The following KY variants were observed in gnomAD, a reference collection of about 807,000 sequenced individuals.
KY encodes the protein kyphoscoliosis peptidase.
In KY, 43 loss-of-function variants were observed where a neutral mutation model predicts 76.1. The ratio of observed to expected loss-of-function variants is 0.57; its 90% CI spans 0.44 to 0.73. KY has a LOEUF of 0.73. KY is among the 30% of genes least tolerant of loss of function. KY has a pLI of 0.00. For synonymous variants in KY, 277 were observed against 326.2 expected (o/e 0.85, Z 1.63); for missense variants, 722 against 828.9 (o/e 0.87, Z 1.58).
At chr3:134,625,208 C>T in intron 5 of KY, 73 bp from the exon 6 acceptor site, 1 of 1,172,228 alleles carries the variant, frequency 8.5e-7, no homozygotes. Context: ...GCCTTGCTGT[C>T]TCTTTGAGGA....
chr3:134,635,154 G>A (rs1007974954), intron 3 of KY, among the ~76,000 whole-genome samples: 12 of 152,130 alleles, frequency 7.9e-5, no homozygotes, highest in Admixed American at 5.9e-4. Flanking sequence ...CAACTTAAAC[G>A]TCCTTCAATG....
At chr3:134,649,091 C>A (rs1174851008) in intron 1 of KY, among the ~76,000 whole-genome samples, 1 of 152,224 alleles carries the variant, frequency 6.6e-6, no homozygotes, top group Non-Finnish European at 1.5e-5. Context: ...AAGCCATGCA[C>A]TTTTCCTCTT....
At chr3:134,611,626 A>G (rs1043840544) in intron 8 of KY, among the ~76,000 whole-genome samples, 5 of 152,222 alleles carry the variant, frequency 3.3e-5, no homozygotes, top group Non-Finnish European at 7.3e-5. Context: ...TGCCCCTTTG[A>G]TGGGGCTCCT....
intron 8 of KY, among the ~76,000 whole-genome samples, chr3:134,613,940 G>T (rs1219295103): frequency 2.0e-5 from 3 of 152,156 alleles, no homozygotes; most frequent in Non-Finnish European, 4.4e-5. Flanking sequence ...TGTGTATAAA[G>T]CACTGTAGCA....
chr3:134,614,737 T>A (rs1045837720), intron 8 of KY, among the ~76,000 whole-genome samples: 38 of 152,342 alleles, frequency 2.5e-4, no homozygotes, highest in African/African-American at 8.9e-4. Flanking sequence ...TATTATTTTA[T>A]ACTGAGATGG....
chr3:134,635,493 T>TA lies in KY; in HGVS notation c.263-5799dup, dbSNP rs10647203. ...GCCTGGACAACAGAGCGAGACTCTGTAAAAAAAAAAAAAAAAAAAAAGTAC... is the reference window on the plus strand; with the variant it reads ...GCCTGGACAACAGAGCGAGACTCTGTAAAAAAAAAAAAAAAAAAAAAAGTAC... On this transcript the variant is annotated intron_variant, in intron 3 of 10. Transcript: ENST00000423778. 7.2e-3 allele frequency among the ~76,000 whole-genome samples: 575 copies of TA among 79,330 alleles called. 15 individuals are homozygous for TA. The highest frequency in any genetic ancestry group is 0.021 in the African/African-American group (425 of 20,490). The allele number at this position is 79,330 out of a possible 152,430, so 52.0% of individuals were successfully genotyped here.
At chr3:134,645,644 T>A (rs1417254305) in intron 2 of KY, among the ~76,000 whole-genome samples, 5 of 152,200 alleles carry the variant, frequency 3.3e-5, no homozygotes, top group African/African-American at 7.2e-5. Flanking sequence ...TTACACATGT[T>A]GATGGAGTGG....
Position 134,629,659 on chromosome 3 carries a change from G to T in KY, c.299C>A (p.Ala100Asp). 1 of 1,600,346 alleles carries T rather than the reference G, an allele frequency of 6.2e-7. No individual in the cohort carries two copies. The highest frequency in any genetic ancestry group is 1.1e-5 in the South Asian group (1 of 88,198). Residue 100 changes from alanine (A) to aspartate (D), a missense_variant, in exon 4 of 11, where the codon GCC becomes GAC. Physicochemically the swap from Ala to Asp is moderately radical, Grantham distance 126 (BLOSUM62 -2). This residue lies in a region of KY where 170 missense variants were observed against 148.1 expected (regional missense o/e 1.15). Transcript: ENST00000423778. The part of the protein sequence containing the change: ...QLTVEVHPRD[A>D]MPQLLKKFSL... Reference sequence around the variant, plus strand: ...GAACTTCTTGAGCAGCTGGGGCATGGCATCTCGAGGGTGGACTTCCACAGT... The same window carrying T: ...GAACTTCTTGAGCAGCTGGGGCATGTCATCTCGAGGGTGGACTTCCACAGT...
At chr3:134,616,664 T>C (rs1446364973) in intron 8 of KY, among the ~76,000 whole-genome samples, 1 of 152,202 alleles carries the variant, frequency 6.6e-6, no homozygotes, top group African/African-American at 2.4e-5. Context: ...AGAGTTTTAA[T>C]GATAAGCTGC....
At chr3:134,623,417 CCCTCCTGCTTCAG>C (rs1330581697) in intron 6 of KY, among the ~76,000 whole-genome samples, 2 of 152,148 alleles carry the variant, frequency 1.3e-5, no homozygotes, top group African/African-American at 4.8e-5. Context: ...TCTCATCCTC[CCCTCCTGCTTCAG>C]CCTTCTCTAT....
At chr3:134,627,095 G>C (rs1246795482) in intron 5 of KY, among the ~76,000 whole-genome samples, 2 of 152,086 alleles carry the variant, frequency 1.3e-5, no homozygotes, top group Non-Finnish European at 2.9e-5. Flanking sequence ...CCCCTTTCTT[G>C]GTTCCATTTT....
chr3:134,605,602 A>C (rs1318258999), intron 10 of KY, among the ~76,000 whole-genome samples: 1 of 152,076 alleles, frequency 6.6e-6, no homozygotes, highest in Admixed American at 6.5e-5. Context: ...TGGCTGTCCC[A>C]GCTCAAAAGC....
intron 3 of KY, among the ~76,000 whole-genome samples, chr3:134,642,423 A>G (rs976901580): frequency 2.0e-5 from 3 of 152,178 alleles, no homozygotes; most frequent in African/African-American, 7.2e-5. Context: ...CCAGTATTTA[A>G]TGCACAGCAG....
In KY at chr3:134,604,040, G is replaced by T; in HGVS notation, c.1525C>A (p.Arg509=). 6.2e-7 allele frequency: 1 copy of T among 1,613,952 alleles called. No homozygotes were observed. Among genetic ancestry groups the T allele is most frequent in the Non-Finnish European group, 8.5e-7 (1 of 1,179,842 alleles). ...CGGTGCAGCTGGAAGATGTAGCGCC[G>T]CTGTGTCTCCTCAGTGATGGGGCCA... ...DDGPITEETQ[R]RYIFQLHREK... is the part of the protein sequence containing the mutation. The change falls in exon 11 of 11, where the codon CGG becomes AGG. Residue 509 remains arginine, a synonymous_variant. Transcript: ENST00000423778.
In KY at chr3:134,650,912, T is replaced by A; in HGVS notation, c.49A>T (p.Ile17Phe). The change falls in exon 1 of 11, where the codon ATC (isoleucine) becomes TTC (phenylalanine). Residue 17 changes from isoleucine (I) to phenylalanine (F), a missense_variant. Ile to Phe is a conservative substitution (Grantham distance 21, BLOSUM62 0). This residue lies in a region of KY where 170 missense variants were observed against 148.1 expected (regional missense o/e 1.15). Coordinates refer to ENST00000423778, the MANE Select transcript of KY (RefSeq NM_178554.6). The part of the protein sequence containing the change: ...INAVSIDMLL[I>F]VHSEKRRAAQ... ...GCGCGCCGCTTCTCCGAGTGCACGATCAGCAGCATGTCGATAGATACAGCG... is the reference window on the plus strand; with the variant it reads ...GCGCGCCGCTTCTCCGAGTGCACGAACAGCAGCATGTCGATAGATACAGCG... 1 of 1,613,206 alleles carries A rather than the reference T, an allele frequency of 6.2e-7. No individual in the cohort carries two copies. The highest frequency in any genetic ancestry group is 8.5e-7 in the Non-Finnish European group (1 of 1,179,490).
intron 6 of KY, among the ~76,000 whole-genome samples, chr3:134,621,429 G>T (rs773905080): frequency 2.8e-4 from 43 of 152,166 alleles, no homozygotes; most frequent in Non-Finnish European, 5.7e-4. Flanking sequence ...TACGGTTAGT[G>T]GATCTTTGAC....
chr3:134,646,772 G>A (rs986758791), intron 2 of KY, among the ~76,000 whole-genome samples: 1 of 152,146 alleles, frequency 6.6e-6, no homozygotes, highest in African/African-American at 2.4e-5. Context: ...TGGGGCTCTG[G>A]GAGTAGAGGT....
intron 3 of KY, among the ~76,000 whole-genome samples, chr3:134,630,520 T>A (rs1964072976): frequency 6.6e-6 from 1 of 152,072 alleles, no homozygotes; most frequent in South Asian, 2.1e-4. Context: ...GAGAAATGGG[T>A]CATGAAGAGG....
intron 2 of KY, 125 bp from the exon 3 acceptor site, chr3:134,643,503 A>C: frequency 1.4e-6 from 1 of 698,164 alleles, no homozygotes; most frequent in Non-Finnish European, 2.5e-6. Context: ...CCAGGCCTAA[A>C]TGTGTGCACA....
Sources: gnomAD v4.1 joint callset for allele counts (sites outside exome capture counted in the v4.1 genomes callset) on GRCh38, gnomAD v4.1.1 for gene constraint, gnomAD v4.1.1 regional missense constraint, MANE v1.5 for transcripts, NCBI Gene and HGNC (gene_info 2026-07-23, HGNC 2026-07-21) for gene names.